Variants in SLC14A2 observed in about 807,000 individuals in gnomAD.
SLC14A2 encodes solute carrier family 14 member 2.
A neutral mutation model predicts 104.6 loss-of-function variants in SLC14A2; 91 were observed. That is an observed-to-expected ratio of 0.87 (90% CI 0.73 to 1.04). The LOEUF is 1.04. Ranked by LOEUF, SLC14A2 falls within the 50% of genes least tolerant of loss-of-function variation. The pLI is 0.00. For synonymous variants in SLC14A2, 476 were observed against 466.4 expected (o/e 1.02, Z -0.27); for missense variants, 1,189 against 1,156.0 (o/e 1.03, Z -0.41).
chr18:45,248,678 C>A (rs1480451609), intron 1 of SLC14A2, among the ~76,000 whole-genome samples: 1 of 152,202 alleles, frequency 6.6e-6, no homozygotes, highest in Non-Finnish European at 1.5e-5. Context: ...TTTATCAGTT[C>A]TGACAGCCAC....
At chr18:45,508,628 T>A (rs1455378352) in intron 2 of SLC14A2, among the ~76,000 whole-genome samples, 1 of 152,218 alleles carries the variant, frequency 6.6e-6, no homozygotes, top group African/African-American at 2.4e-5. Flanking sequence ...TTTCTTTGCT[T>A]GCCAGCCTAC....
At chr18:45,243,236 T>A (rs766759788) in intron 1 of SLC14A2, among the ~76,000 whole-genome samples, 2 of 152,228 alleles carry the variant, frequency 1.3e-5, no homozygotes, top group Non-Finnish European at 2.9e-5. Flanking sequence ...AGATAATGAA[T>A]AATAGTCACG....
chr18:45,402,395 G>A (rs1275493896), intron 1 of SLC14A2, among the ~76,000 whole-genome samples: 1 of 152,136 alleles, frequency 6.6e-6, no homozygotes, highest in East Asian at 1.9e-4. Flanking sequence ...GCTAATAAAG[G>A]CAGAGCCAGC....
At chr18:45,418,569 T>C (rs1473676747) in intron 1 of SLC14A2, among the ~76,000 whole-genome samples, 1 of 152,162 alleles carries the variant, frequency 6.6e-6, no homozygotes, top group African/African-American at 2.4e-5. Context: ...TCAGTAGAGA[T>C]AAAACTGGAA....
intron 10 of SLC14A2, among the ~76,000 whole-genome samples, chr18:45,645,391 C>G (rs1308431495): frequency 1.3e-5 from 2 of 151,962 alleles, no homozygotes; most frequent in Non-Finnish European, 2.9e-5. Context: ...AAACCAGCAT[C>G]TCTAAGCAGA....
chr18:45,392,914 T>G (rs1345414199), intron 1 of SLC14A2, among the ~76,000 whole-genome samples: 1 of 152,230 alleles, frequency 6.6e-6, no homozygotes, highest in Non-Finnish European at 1.5e-5. Flanking sequence ...CTGGACTCCC[T>G]GTCCACTCTC....
chr18:45,433,244 C>T (rs1286843266), intron 1 of SLC14A2, among the ~76,000 whole-genome samples: 1 of 152,176 alleles, frequency 6.6e-6, no homozygotes, highest in South Asian at 2.1e-4. Context: ...ATAGTACCCC[C>T]TCAACATGCT....
At chr18:45,592,046 GCAGTAATATATATA>G (rs2044654660) in intron 2 of SLC14A2, among the ~76,000 whole-genome samples, 1 of 152,178 alleles carries the variant, frequency 6.6e-6, no homozygotes, top group African/African-American at 2.4e-5. Flanking sequence ...CCATGGCAGG[GCAGTAATATATATA>G]CAGTAATCAC....
At chr18:45,376,321 A>G (rs1447558140) in intron 1 of SLC14A2, among the ~76,000 whole-genome samples, 2 of 152,206 alleles carry the variant, frequency 1.3e-5, no homozygotes, top group Non-Finnish European at 2.9e-5. Flanking sequence ...CCACAAATAA[A>G]TGCTCAGAAA....
chr18:45,455,497 G>A (rs1334982226), intron 1 of SLC14A2, among the ~76,000 whole-genome samples: 3 of 152,038 alleles, frequency 2.0e-5, no homozygotes, highest in African/African-American at 7.2e-5. Context: ...CCTGTCAGAG[G>A]GTGGGGGGCT....
chr18:45,275,386 G>A (rs1364926321), intron 1 of SLC14A2, among the ~76,000 whole-genome samples: 1 of 152,122 alleles, frequency 6.6e-6, no homozygotes, highest in African/African-American at 2.4e-5. Context: ...AGTACTGAAC[G>A]AATTGTTGAC....
At chr18:45,546,471 C>A (rs1362807956) in intron 2 of SLC14A2, among the ~76,000 whole-genome samples, 1 of 152,248 alleles carries the variant, frequency 6.6e-6, no homozygotes, top group African/African-American at 2.4e-5. Context: ...GCTTTTACCT[C>A]TCTTTGTCTG....
In SLC14A2 at chr18:45,673,758, C is replaced by A; in HGVS notation, c.2453C>A (p.Ala818Glu). The change falls in exon 18 of 20, where the codon GCG becomes GAG. Residue 818 changes from alanine to glutamate, a missense_variant. Physicochemically the swap from Ala to Glu is moderately radical, Grantham distance 107. Transcript: ENST00000255226. Reference protein sequence around the residue: ...CGFNSTLACIAIGGMFYVITW... With the variant: ...CGFNSTLACIEIGGMFYVITW... The stretch of plus-strand genomic sequence containing the variant: ...TTCAACAGCACCCTCGCATGCATAG[C>A]GATAGGAGGCATGTTCTACGTCATC... 1 of 1,614,138 alleles carries A rather than the reference C, an allele frequency of 6.2e-7. No homozygotes were observed. Among genetic ancestry groups the A allele is most frequent in the South Asian group, 1.1e-5 (1 of 91,084 alleles).
chr18:45,682,363 C>T lies in SLC14A2; in HGVS notation c.2607C>T (p.Leu869=). The T allele has an allele frequency of 6.2e-7, 1 of 1,614,174 alleles. No individual in the cohort carries two copies. The highest frequency in any genetic ancestry group is 8.5e-7 in the Non-Finnish European group (1 of 1,180,020). The change falls in exon 20 of 20, where the codon CTC becomes CTT. Residue 869 remains leucine (L), a synonymous_variant. Coordinates refer to ENST00000255226, the MANE Select transcript of SLC14A2 (RefSeq NM_007163.4). The part of the protein sequence containing the change: ...PCTWPFCLSA[L]TFLLLTTNNP... ...CTTGGCCCTTCTGTCTCTCAGCTCT[C>T]ACCTTCCTGCTCCTGACGACCAATA...
At chr18:45,631,359 C>A (rs1401308920) in intron 4 of SLC14A2, among the ~76,000 whole-genome samples, 1 of 152,192 alleles carries the variant, frequency 6.6e-6, no homozygotes, top group African/African-American at 2.4e-5. Context: ...TATGCCCCTC[C>A]CTCACCCACA....
intron 1 of SLC14A2, among the ~76,000 whole-genome samples, chr18:45,360,332 AAG>A (rs1401051552): frequency 4.6e-5 from 7 of 152,200 alleles, no homozygotes; most frequent in African/African-American, 1.7e-4. Flanking sequence ...GAAAAACAGA[AAG>A]AGACTCAAGG....
chr18:45,176,985 A>G, the SLC14A2 span, among the ~76,000 whole-genome samples: 1 of 152,124 alleles, frequency 6.6e-6, no homozygotes, highest in Non-Finnish European at 1.5e-5. Flanking sequence ...TCTAATTGCA[A>G]TCTTACTAAA....
Position 45,667,025 on chromosome 18 carries a change from G to A in SLC14A2, c.1648G>A (p.Gly550Arg), listed in dbSNP as rs1259723328. 6.2e-7 allele frequency: 1 copy of A among 1,613,912 alleles called. No individual in the cohort carries two copies. Residue 550 changes from glycine (G) to arginine (R), a missense_variant, in exon 13 of 20, where the codon GGG (glycine) becomes AGG (arginine). Transcript: ENST00000255226. ...SWIRSSMAASGKRVSKALSYI... is the reference protein window; with the variant it reads ...SWIRSSMAASRKRVSKALSYI... ...GATTCGGAGTTCCATGGCTGCCAGT[G>A]GGAAAAGGGTCAGCAAAGCCCTCAG...
chr18:45,175,132 C>T, the SLC14A2 span, among the ~76,000 whole-genome samples: 1 of 152,124 alleles, frequency 6.6e-6, no homozygotes, highest in Non-Finnish European at 1.5e-5. Flanking sequence ...ATTTATCCCA[C>T]AGATATACTT....
Sources: allele counts gnomAD v4.1 joint callset (sites outside exome capture counted in the v4.1 genomes callset), GRCh38; gene constraint gnomAD v4.1.1; transcripts MANE v1.5; gene names NCBI Gene and HGNC (gene_info 2026-07-23, HGNC 2026-07-21).